Variants in ARHGAP32 observed in about 807,000 individuals in gnomAD.
The protein encoded by ARHGAP32 is Rho GTPase activating protein 32.
ARHGAP32 carries 51 observed loss-of-function variants against 186.5 expected under a neutral mutation model. That is an observed-to-expected ratio of 0.27 (90% CI 0.22 to 0.35). The LOEUF is 0.35. ARHGAP32 is among the 10% of genes least tolerant of loss of function. The probability of loss-of-function intolerance (pLI) is 1.00; values close to 1 mark genes in which losing one functional copy is unlikely to be tolerated. For synonymous variants in ARHGAP32, 950 were observed against 964.3 expected, an observed-to-expected ratio of 0.99 and a Z score of 0.27; for missense variants, 2,186 against 2,623.5, an observed-to-expected ratio of 0.83 and a Z score of 3.64.
intron 11 of ARHGAP32, among the ~76,000 whole-genome samples, chr11:129,018,164 T>C (rs1313891121): frequency 1.3e-5 from 2 of 152,232 alleles, no homozygotes; most frequent in East Asian, 3.9e-4. Context: ...TCCTTTGCAG[T>C]GACATAAATG....
chr11:129,060,681 T>G (rs1940463711), intron 10 of ARHGAP32, among the ~76,000 whole-genome samples: 1 of 152,126 alleles, frequency 6.6e-6, no homozygotes, highest in Non-Finnish European at 1.5e-5. Context: ...TGTGATAGGG[T>G]TTTTCTGGTC....
intron 13 of ARHGAP32, 145 bp from the exon 14 acceptor site, chr11:128,986,813 GTTGTGT>G: frequency 3.9e-6 from 3 of 761,714 alleles, no homozygotes; most frequent in Non-Finnish European, 6.2e-6. Context: ...TTTCATTTAA[GTTGTGT>G]TTGGACTTCA....
intron 11 of ARHGAP32, among the ~76,000 whole-genome samples, chr11:129,035,616 G>T (rs1198981673): frequency 6.6e-6 from 1 of 152,176 alleles, no homozygotes; most frequent in African/African-American, 2.4e-5. Flanking sequence ...GGGAAGCCAA[G>T]GCAGGCGGAT....
At chr11:129,164,991 A>C (rs1325559533) in intron 1 of ARHGAP32, among the ~76,000 whole-genome samples, 5 of 152,200 alleles carry the variant, frequency 3.3e-5, no homozygotes, top group Non-Finnish European at 7.3e-5. Flanking sequence ...AGCCCAATCA[A>C]GCAATTTCCA....
intron 6 of ARHGAP32, among the ~76,000 whole-genome samples, chr11:129,091,663 T>A (rs1487389455): frequency 6.6e-6 from 1 of 152,098 alleles, no homozygotes; most frequent in Non-Finnish European, 1.5e-5. Flanking sequence ...TACATCAGTG[T>A]ATAATGGTGG....
rs145186146 is a variant in ARHGAP32 at position 128,978,907 on chromosome 11, G to A, written c.1985C>T (p.Pro662Leu). 3 of 1,601,706 alleles carry A rather than the reference G, an allele frequency of 1.9e-6. No individual in the cohort carries two copies. The highest frequency in any genetic ancestry group is 2.2e-5 in the South Asian group (2 of 89,006). Reference protein sequence around the residue: ...IIEFPLERKRPQNKMKKSPVG... With the variant: ...IIEFPLERKRLQNKMKKSPVG... ...AGGAGACTTTTTCATCTTATTTTGA[G>A]GCCTCTTTCTATGAAAGAGAAAAAA... The change falls in exon 19 of 23, where the codon CCT (proline) becomes CTT (leucine). Residue 662 changes from proline (P) to leucine (L), a missense_variant. By Grantham distance (98) the Pro-to-Leu change is moderately conservative (BLOSUM62 -3). Coordinates refer to ENST00000682385, the MANE Select transcript of ARHGAP32 (RefSeq NM_001378024.1).
chr11:129,193,578 ATAT>A (rs1480591603), upstream of ARHGAP32, among the ~76,000 whole-genome samples: 15 of 53,040 alleles, frequency 2.8e-4, no homozygotes, highest in African/African-American at 3.8e-4. Context: ...TAATATATAT[ATAT>A]TATATAATAT....
At chr11:129,278,911 A>AGCGCGGGGCGCGG (rs1555121312) in intron 1 of ARHGAP32, among the ~76,000 whole-genome samples, 4 of 143,074 alleles carry the variant, frequency 2.8e-5, no homozygotes, top group African/African-American at 5.1e-5. Context: ...GGCCGCGGGG[A>AGCGCGGGGCGCGG]GCGCGGGGCG....
In ARHGAP32 at chr11:129,212,722, AAAACTTCATAGC is replaced by A. The variant is rs1421406989; in HGVS notation, c.-4-48307_-4-48296del. On this transcript the variant is annotated intron_variant, in intron 1 of 6. Coordinates refer to the ARHGAP32 transcript ENST00000525234. Reference sequence around the variant, plus strand: ...ACACTACATAAATGAAATGGTCTGCAAAACTTCATAGCATAACTTGTTGTGTACTTAAATATT... The same window carrying A: ...ACACTACATAAATGAAATGGTCTGCAATAACTTGTTGTGTACTTAAATATT... 2.0e-5 allele frequency among the ~76,000 whole-genome samples: 3 copies of A among 152,208 alleles called. No individual in the cohort carries two copies. In the East Asian group the frequency reaches 5.8e-4, roughly 29 times the overall value.
intron 1 of ARHGAP32, among the ~76,000 whole-genome samples, chr11:129,169,789 T>C (rs1174079261): frequency 6.6e-6 from 1 of 152,128 alleles, no homozygotes; most frequent in Non-Finnish European, 1.5e-5. Context: ...CCTACAGCTA[T>C]TAAACAAAAT....
intron 20 of ARHGAP32, among the ~76,000 whole-genome samples, chr11:128,975,363 T>C (rs1368659151): frequency 6.6e-6 from 1 of 152,194 alleles, no homozygotes; most frequent in Admixed American, 6.5e-5. Context: ...ACTGGCCTCA[T>C]ATGACTTATG....
chr11:129,005,981 T>C (rs1937745576), intron 11 of ARHGAP32, among the ~76,000 whole-genome samples: 1 of 152,120 alleles, frequency 6.6e-6, no homozygotes, highest in South Asian at 2.1e-4. Context: ...AGCTTACTAA[T>C]CTTTCTTCTG....
intron 1 of ARHGAP32, among the ~76,000 whole-genome samples, chr11:129,170,297 T>C (rs1943732226): frequency 6.6e-6 from 1 of 151,334 alleles, no homozygotes; most frequent in East Asian, 1.9e-4. Flanking sequence ...GTGGCATCTA[T>C]TGACTCGTCC....
intron 1 of ARHGAP32, among the ~76,000 whole-genome samples, chr11:129,275,919 C>T (rs990155832): frequency 6.6e-6 from 1 of 152,230 alleles, no homozygotes; most frequent in Non-Finnish European, 1.5e-5. Context: ...ATATTTTTTA[C>T]TAAACAGTTC....
intron 1 of ARHGAP32, among the ~76,000 whole-genome samples, chr11:129,250,979 T>G (rs535831267): frequency 1.3e-5 from 2 of 152,346 alleles, no homozygotes; most frequent in East Asian, 3.9e-4. Context: ...TAACAAATAC[T>G]AAAAAGTTAC....
chr11:128,980,788 C>T (rs760465241), intron 17 of ARHGAP32, 40 bp from the exon 18 acceptor site: 26 of 1,430,832 alleles, frequency 1.8e-5, no homozygotes, highest in South Asian at 1.2e-4. Flanking sequence ...GAGTCAACTA[C>T]GTGAGTGTAT....
chr11:128,985,972 C>T (rs1474198927), intron 15 of ARHGAP32, 31 bp downstream of exon 15: 11 of 1,553,916 alleles, frequency 7.1e-6, no homozygotes, highest in African/African-American at 1.4e-5. Context: ...CGACTTCTAC[C>T]TCTGCCTGGT....
At chr11:129,169,492 G>A (rs112390982) in intron 1 of ARHGAP32, among the ~76,000 whole-genome samples, 2,660 of 151,950 alleles carry the variant, frequency 0.018, 37 homozygotes, top group Non-Finnish European at 0.023. Context: ...TTAGCTGGGC[G>A]TGGTGGCGGG....
upstream of ARHGAP32, among the ~76,000 whole-genome samples, chr11:129,193,703 A>ATATATATTATATAT (rs60437245): frequency 6.4e-4 from 31 of 48,366 alleles, no homozygotes; most frequent in East Asian, 4.2e-3. Context: ...ATAATATATA[A>ATATATATTATATAT]TATATATTAT....
Sources: gnomAD v4.1 joint callset for allele counts (sites outside exome capture counted in the v4.1 genomes callset) on GRCh38, gnomAD v4.1.1 for gene constraint, MANE v1.5 for transcripts, NCBI Gene and HGNC (gene_info 2026-07-23, HGNC 2026-07-21) for gene names.